SETD5: variants seen among roughly 807,000 people sequenced by gnomAD.
SETD5 encodes the protein histone-lysine N-methyltransferase SETD5.
SETD5 carries 44 observed loss-of-function variants against 153.3 expected under a neutral mutation model. That is an observed-to-expected ratio of 0.29 (90% CI 0.23 to 0.37). The LOEUF (loss-of-function observed/expected upper bound fraction) is 0.37. SETD5 is among the 10% of genes least tolerant of loss of function. The pLI is 1.00. For synonymous variants in SETD5, 716 were observed against 645.2 expected (o/e 1.11, Z -1.66); for missense variants, 1,544 against 1,768.0 (o/e 0.87, Z 2.27).
chr3:9,463,983 C>A (rs1417919536), intron 17 of SETD5, among the ~76,000 whole-genome samples: 1 of 152,138 alleles, frequency 6.6e-6, no homozygotes, highest in Non-Finnish European at 1.5e-5. Flanking sequence ...CAAAAATTAG[C>A]CAGGTGTAGT....
intron 11 of SETD5, 145 bp from the exon 12 acceptor site, chr3:9,444,903 T>A: frequency 9.2e-7 from 1 of 1,092,254 alleles, no homozygotes; most frequent in African/African-American, 1.6e-5. Flanking sequence ...AAAGTATTTA[T>A]AGGACTCTCT....
chr3:9,422,592 T>A (rs1026657245), intron 1 of SETD5, among the ~76,000 whole-genome samples: 2 of 152,242 alleles, frequency 1.3e-5, no homozygotes, highest in East Asian at 1.9e-4. Flanking sequence ...TAAAAAATGT[T>A]CAGTATTTTA....
intron 16 of SETD5, among the ~76,000 whole-genome samples, chr3:9,450,060 T>C (rs546460070): frequency 6.6e-6 from 1 of 152,320 alleles, no homozygotes; most frequent in Non-Finnish European, 1.5e-5. Context: ...TGGGTTGCAG[T>C]CTTTCTGTTT....
chr3:9,429,810 A>G (rs904713361), intron 3 of SETD5: 40 of 1,300,552 alleles, frequency 3.1e-5, no homozygotes, highest in Non-Finnish European at 4.0e-5. Context: ...CTTGTACCCA[A>G]TCTTCCTTGC....
chr3:9,439,276 A>T (rs1013965385), intron 7 of SETD5, among the ~76,000 whole-genome samples: 4 of 152,222 alleles, frequency 2.6e-5, no homozygotes, highest in African/African-American at 9.6e-5. Context: ...GGACTCTAGT[A>T]AGAAATGTGG....
At chr3:9,456,387 T>C (rs1258505559) in intron 17 of SETD5, among the ~76,000 whole-genome samples, 1 of 151,398 alleles carries the variant, frequency 6.6e-6, no homozygotes, top group East Asian at 1.9e-4. Context: ...GGCAGGAGAA[T>C]TGCTTGAACC....
chr3:9,412,277 T>C (rs2036678052), intron 1 of SETD5, among the ~76,000 whole-genome samples: 1 of 151,912 alleles, frequency 6.6e-6, no homozygotes. Flanking sequence ...TAGAAGATAG[T>C]ATTTTAGATA....
chr3:9,473,132 G>A (rs1295671578), intron 19 of SETD5, 104 bp from the exon 20 acceptor site: 21 of 1,367,146 alleles, frequency 1.5e-5, no homozygotes, highest in Non-Finnish European at 2.1e-5. Flanking sequence ...CTTGGCTAGT[G>A]GTTTACTAAG....
chr3:9,453,511 T>C (rs879138622), intron 16 of SETD5, among the ~76,000 whole-genome samples: 5 of 152,210 alleles, frequency 3.3e-5, no homozygotes, highest in Non-Finnish European at 7.3e-5. Context: ...TTTTGTCTTT[T>C]GATGGGATCT....
In SETD5 at chr3:9,445,739, G is replaced by A. The variant is rs2041861007; in HGVS notation, c.1523G>A (p.Arg508Lys). The change falls in exon 13 of 23, where the codon AGG becomes AAG. Residue 508 changes from arginine to lysine, a missense_variant and splice_region_variant. Around this residue, in one of 9 missense-constraint regions of SETD5, gnomAD observed 782 missense variants for 787.2 expected, o/e 0.99. Transcript: ENST00000402198. ...CAGGAGAACCTAGCTCATAGCAGGA[G>A]GGTGAGTACTGTCTGACATTACTTT... ...DDQENLAHSRRTREDRKVEAI... is the reference protein window; with the variant it reads ...DDQENLAHSRKTREDRKVEAI... 1 of 1,607,016 alleles carries A rather than the reference G, an allele frequency of 6.2e-7. No individual in the cohort carries two copies. Among genetic ancestry groups the A allele is most frequent in the Non-Finnish European group, 8.5e-7 (1 of 1,176,850 alleles).
intron 2 of SETD5, among the ~76,000 whole-genome samples, chr3:9,425,030 A>G (rs1483620881): frequency 4.7e-5 from 7 of 148,910 alleles, no homozygotes; most frequent in Admixed American, 4.7e-4. Flanking sequence ...TATGAAATAG[A>G]AATTTATAGT....
Position 9,435,897 on chromosome 3 carries a change from G to C in SETD5, c.558G>C (p.Lys186Asn). 3 of 1,581,416 alleles carry C rather than the reference G, an allele frequency of 1.9e-6. No homozygotes were observed. The highest frequency in any genetic ancestry group is 2.6e-6 in the Non-Finnish European group (3 of 1,164,408). Residue 186 changes from lysine (K) to asparagine (N), a missense_variant, in exon 7 of 23, where the codon AAG becomes AAC. Transcript: ENST00000402198. ...AGGGTCGTGCAGCACCAAAGACGAA[G>C]AAAATCAAGGTATGCAGGGTAAAAA... ...PEKGRAAPKT[K>N]KIKNSPSEAQ...
At chr3:9,455,030 G>C (rs1269542809) in intron 17 of SETD5, among the ~76,000 whole-genome samples, 1 of 151,930 alleles carries the variant, frequency 6.6e-6, no homozygotes, top group East Asian at 1.9e-4. Flanking sequence ...TAATGAACTT[G>C]AATTTAATTA....
At chr3:9,444,728 C>G (rs751754769) in intron 11 of SETD5, among the ~76,000 whole-genome samples, 13 of 151,370 alleles carry the variant, frequency 8.6e-5, no homozygotes, top group Non-Finnish European at 1.6e-4. Context: ...CCGTCTCTGC[C>G]GAAAATAAAA....
Position 9,447,185 on chromosome 3 carries a change from G to T in SETD5, c.1660G>T (p.Val554Phe). Residue 554 changes from valine to phenylalanine, a missense_variant, in exon 14 of 23, where the codon GTT (valine) becomes TTT (phenylalanine). Transcript: ENST00000402198. ...EITTTTSETP[V>F]GEETKTEAPE... ...TACTACAACCACCTCAGAGACTCCT[G>T]TTGGTGAAGAGACAAAAACTGAAGC... 3 of 1,614,014 alleles carry T rather than the reference G, an allele frequency of 1.9e-6. No homozygotes were observed. The South Asian group carries it at 3.3e-5, about 18-fold the overall frequency.
In SETD5 at chr3:9,473,907, A is replaced by T. The variant is rs1247519014; in HGVS notation, c.3497+370A>T. Among the ~76,000 whole-genome samples the T allele has an allele frequency of 5.3e-5, 8 of 152,362 alleles. No homozygotes were observed. In the South Asian group the frequency reaches 6.2e-4, roughly 12 times the overall value. On this transcript the variant is annotated intron_variant, in intron 20 of 22. Transcript: ENST00000402198. Reference sequence around the variant, plus strand: ...AATTAACAACAGATGTCTCTCTTCCACACAGCTAGCATATACAGAGCAAAA... The same window carrying T: ...AATTAACAACAGATGTCTCTCTTCCTCACAGCTAGCATATACAGAGCAAAA...
rs772260214 is a variant in SETD5, at chr3:9,464,647, G to A, written c.2699G>A (p.Arg900His). 5 of 1,613,840 alleles carry A rather than the reference G, an allele frequency of 3.1e-6. No individual in the cohort carries two copies. In the African/African-American group the frequency reaches 5.3e-5, roughly 17 times the overall value. The change falls in exon 18 of 23, where the codon CGC (arginine) becomes CAC (histidine). Residue 900 changes from arginine to histidine, a missense_variant. By Grantham distance (29) the Arg-to-His change is conservative. Coordinates refer to ENST00000402198, the MANE Select transcript of SETD5 (RefSeq NM_001080517.3). ...SPVTSLTTAS[R>H]CNTPLQFELC... Reference sequence around the variant, plus strand: ...GTCACATCTCTTACTACTGCTAGTCGCTGCAACACTCCTCTACAGTTTGAG... The same window carrying A: ...GTCACATCTCTTACTACTGCTAGTCACTGCAACACTCCTCTACAGTTTGAG...
intron 17 of SETD5, 148 bp downstream of exon 17, chr3:9,454,016 G>T: frequency 1.1e-6 from 1 of 921,212 alleles, no homozygotes. Flanking sequence ...GGAAGAGAGA[G>T]ATCTCAAGTC....
intron 3 of SETD5, chr3:9,433,553 C>T (rs895117331): frequency 4.2e-5 from 54 of 1,295,328 alleles, no homozygotes; most frequent in East Asian, 5.2e-5. Flanking sequence ...GGAAACTCCC[C>T]GCTCAGCTGG....
Sources: gnomAD v4.1 joint callset for allele counts (sites outside exome capture counted in the v4.1 genomes callset) on GRCh38, gnomAD v4.1.1 for gene constraint, gnomAD v4.1.1 regional missense constraint, MANE v1.5 for transcripts, NCBI Gene and HGNC (gene_info 2026-07-23, HGNC 2026-07-21) for gene names.